The following ZNF484 variants were observed in gnomAD, a reference collection of about 807,000 sequenced individuals.
ZNF484 encodes KRAB box containing C2H2 type zinc finger bA526D8.4.
ZNF484 carries 11 observed loss-of-function variants against 12.9 expected under a neutral mutation model. That is an observed-to-expected ratio of 0.85 (90% CI 0.54 to 1.41). ZNF484 has a LOEUF of 1.41. ZNF484 is among the 40% of genes most tolerant of loss of function. ZNF484 has a pLI of 0.00. For missense variants in ZNF484, 807 were observed against 1,007.7 expected (o/e 0.80, Z 2.70); for synonymous variants, 289 against 334.1 (o/e 0.86, Z 1.47).
intron 2 of ZNF484, chr9:92,862,058 G>A: frequency 3.2e-6 from 2 of 626,090 alleles, no homozygotes; most frequent in South Asian, 7.2e-5. Flanking sequence ...AAGAGAAAGA[G>A]CTGTCAATAT....
chr9:92,848,388 G>A lies in ZNF484; in HGVS notation c.399C>T (p.Asn133=), dbSNP rs143919816. ...EHTRKCGENQ[N]KPLSRVVFIN... Reference sequence around the variant, plus strand: ...TGAAGACAACACGACTTAAAGGTTTGTTCTGGTTTTCTCCACATTTTCTTG... The same window carrying A: ...TGAAGACAACACGACTTAAAGGTTTATTCTGGTTTTCTCCACATTTTCTTG... Residue 133 remains asparagine (N), a synonymous_variant, in exon 5 of 5, where the codon AAC becomes AAT. Coordinates refer to ENST00000375495, the MANE Select transcript of ZNF484 (RefSeq NM_031486.4). This position sits in a 1 kb window ranked among gnomAD's most constrained non-coding sequence, Gnocchi z 4.1. The A allele has an allele frequency of 6.2e-7, 1 of 1,614,066 alleles. No individual in the cohort carries two copies.
chr9:92,856,532 C>T (rs1564106662), intron 2 of ZNF484, among the ~76,000 whole-genome samples: 2 of 152,126 alleles, frequency 1.3e-5, no homozygotes, highest in South Asian at 2.1e-4. Context: ...CTTAAATAGA[C>T]ATTTCTGCAA....
intron 2 of ZNF484, among the ~76,000 whole-genome samples, chr9:92,858,387 A>C (rs572810379): frequency 5.9e-4 from 90 of 152,170 alleles, no homozygotes; most frequent in Non-Finnish European, 1.1e-3. Context: ...AATATGTGTG[A>C]CATAGTAAAA....
At chr9:92,850,493 C>T (rs544599123) in intron 4 of ZNF484, among the ~76,000 whole-genome samples, 2 of 152,250 alleles carry the variant, frequency 1.3e-5, no homozygotes, top group Non-Finnish European at 1.5e-5. Flanking sequence ...CTTGGCCAAA[C>T]AGAAAAATTT....
chr9:92,868,969 TC>T (rs1857270671), intron 2 of ZNF484, among the ~76,000 whole-genome samples: 1 of 152,110 alleles, frequency 6.6e-6, no homozygotes, highest in African/African-American at 2.4e-5. Flanking sequence ...CAAGTGATCC[TC>T]CTACCTTGGC....
chr9:92,858,961 T>TAA, intron 2 of ZNF484, among the ~76,000 whole-genome samples: 1 of 151,744 alleles, frequency 6.6e-6, no homozygotes, highest in African/African-American at 2.4e-5. Context: ...CGGTCTCTAC[T>TAA]AAAAATATAA....
At chr9:92,850,013 G>C (rs1441025795) in intron 4 of ZNF484, among the ~76,000 whole-genome samples, 11 of 152,250 alleles carry the variant, frequency 7.2e-5, no homozygotes, top group Admixed American at 6.5e-4. Context: ...TGTTGGCCAG[G>C]CTGGTCTCAA....
chr9:92,850,245 A>T (rs1855984520), intron 4 of ZNF484, among the ~76,000 whole-genome samples: 2 of 152,256 alleles, frequency 1.3e-5, no homozygotes, highest in African/African-American at 2.4e-5. Flanking sequence ...ATGTTTAGTA[A>T]TTGGGGAAGA....
At chr9:92,858,139 A>G (rs1856572778) in intron 2 of ZNF484, among the ~76,000 whole-genome samples, 1 of 152,234 alleles carries the variant, frequency 6.6e-6, no homozygotes, top group South Asian at 2.1e-4. Flanking sequence ...CAATAGAAAC[A>G]GTCACACAGA....
intron 2 of ZNF484, among the ~76,000 whole-genome samples, chr9:92,871,857 C>T (rs889344582): frequency 3.9e-5 from 6 of 152,106 alleles, no homozygotes; most frequent in African/African-American, 9.7e-5. Flanking sequence ...GTGGCTAAAT[C>T]GGCTGTCCTT....
chr9:92,846,104 C>G lies in ZNF484; in HGVS notation c.*124G>C. The G allele has an allele frequency of 1.0e-6, 1 of 962,534 alleles. No homozygotes were observed. Among genetic ancestry groups the G allele is most frequent in the South Asian group, 1.8e-5 (1 of 56,432 alleles). The allele number at this position is 962,534 out of a possible 1,614,324, so 59.6% of individuals were successfully genotyped here. The stretch of plus-strand genomic sequence containing the variant: ...GCACATTTACTATTATTTGCAGGAG[C>G]TTGACAACACCAATATCAAGTAACC... On this transcript the variant is annotated 3_prime_UTR_variant, in exon 5 of 5. Transcript: ENST00000375495.
chr9:92,853,575 A>G (rs1856239662), intron 4 of ZNF484, among the ~76,000 whole-genome samples: 2 of 152,206 alleles, frequency 1.3e-5, no homozygotes, highest in African/African-American at 4.8e-5. Context: ...CACATAATCT[A>G]AGACACAGAT....
rs940808350 is a variant in ZNF484 at position 92,848,615 on chromosome 9, C to T, written c.236-64G>A. ...AATTAACAGAAAATAAGGCCAGGTG[C>T]GGTGGCTCATGCCTGTAATCCTAGC... On this transcript the variant is annotated intron_variant, in intron 4 of 4. Transcript: ENST00000375495. This position sits in a 1 kb window ranked among gnomAD's most constrained non-coding sequence, Gnocchi z 4.1. 20 of 1,440,958 alleles carry T rather than the reference C, an allele frequency of 1.4e-5. No individual in the cohort carries two copies. The highest frequency in any genetic ancestry group is 2.9e-5 in the South Asian group (2 of 68,910). 89.3% of individuals were successfully genotyped at this position (1,440,958 alleles called of 1,614,324 possible).
Position 92,847,438 on chromosome 9 carries a change from A to G in ZNF484, c.1349T>C (p.Ile450Thr). Residue 450 changes from isoleucine (I) to threonine (T), a missense_variant, in exon 5 of 5, where the codon ATT (isoleucine) becomes ACT (threonine). Coordinates refer to ENST00000375495, the MANE Select transcript of ZNF484 (RefSeq NM_031486.4). ...YECSDCGKSF[I>T]KKSQLHVHQR... Reference sequence around the variant, plus strand: ...ATGCACATGGAGTTGTGATTTTTTAATAAAGGATTTCCCACAGTCACTGCA... The same window carrying G: ...ATGCACATGGAGTTGTGATTTTTTAGTAAAGGATTTCCCACAGTCACTGCA... The G allele has an allele frequency of 6.2e-7, 1 of 1,613,200 alleles. No individual in the cohort carries two copies. The highest frequency in any genetic ancestry group is 8.5e-7 in the Non-Finnish European group (1 of 1,179,762).
chr9:92,860,932 A>G (rs764878682), intron 2 of ZNF484, among the ~76,000 whole-genome samples: 1 of 152,208 alleles, frequency 6.6e-6, no homozygotes, highest in Non-Finnish European at 1.5e-5. Flanking sequence ...CTTTAAATAC[A>G]TGTATGATGA....
At chr9:92,865,082 C>T (rs1248698728) in intron 2 of ZNF484, among the ~76,000 whole-genome samples, 1 of 152,056 alleles carries the variant, frequency 6.6e-6, no homozygotes, top group Non-Finnish European at 1.5e-5. Context: ...GTATATTCAT[C>T]ATTATATTAG....
chr9:92,848,486 T>G lies in ZNF484; in HGVS notation c.301A>C (p.Ile101Leu). The part of the protein sequence containing the change: ...MSEEVSFQSE[I>L]NINLFTRDDP... ...TCTCTTGTGAAGAGATTAATATTAA[T>G]CTCAGACTGGAAAGAAACTTCTTCA... The change falls in exon 5 of 5, where the codon ATT (isoleucine) becomes CTT (leucine). Residue 101 changes from isoleucine (I) to leucine (L), a missense_variant. Transcript: ENST00000375495. This position sits in a 1 kb window ranked among gnomAD's most constrained non-coding sequence, Gnocchi z 4.1. 1.2e-6 allele frequency: 2 copies of G among 1,612,444 alleles called. No homozygotes were observed. The highest frequency in any genetic ancestry group is 2.2e-5 in the South Asian group (2 of 90,614).
rs1564092477 is a variant in ZNF484, at chr9:92,844,251, A to T, written c.*1977T>A. 6.6e-6 allele frequency among the ~76,000 whole-genome samples: 1 copy of T among 152,220 alleles called. No homozygotes were observed. The highest frequency in any genetic ancestry group is 1.9e-4 in the East Asian group (1 of 5,206). ...AAATCACCATATGAGGAGATAGGACATCAGCAAAATTCAAGAAAAATAACC... is the reference window on the plus strand; with the variant it reads ...AAATCACCATATGAGGAGATAGGACTTCAGCAAAATTCAAGAAAAATAACC... On this transcript the variant is annotated 3_prime_UTR_variant, in exon 5 of 5. Transcript: ENST00000375495.
chr9:92,849,786 G>C (rs1328361007), intron 4 of ZNF484, among the ~76,000 whole-genome samples: 2 of 151,244 alleles, frequency 1.3e-5, no homozygotes, highest in Non-Finnish European at 2.9e-5. Context: ...GTGAGACTCT[G>C]TCTCTCTCTC....
Sources: allele counts gnomAD v4.1 joint callset (sites outside exome capture counted in the v4.1 genomes callset), GRCh38; gene constraint gnomAD v4.1.1; non-coding constraint Gnocchi (gnomAD v3.1); transcripts MANE v1.5; gene names NCBI Gene and HGNC (gene_info 2026-07-23, HGNC 2026-07-21).